Variants in SH3RF2 observed in about 807,000 individuals in gnomAD.
SH3RF2 encodes the protein SH3 domain containing ring finger 2.
Under a neutral mutation model 59.0 loss-of-function variants are expected in SH3RF2, and 43 were observed. The observed-to-expected ratio is 0.73, with a 90% CI of 0.57 to 0.94. The LOEUF (loss-of-function observed/expected upper bound fraction) is 0.94, where lower values mean the gene tolerates loss of function less well. Among genes scored for constraint, SH3RF2 ranks in the 40% least tolerant of loss-of-function variants. The pLI is 0.00. For missense variants in SH3RF2, 930 were observed against 940.1 expected, an observed-to-expected ratio of 0.99 and a Z score of 0.14; for synonymous variants, 391 against 391.5, an observed-to-expected ratio of 1.00 and a Z score of 0.01.
At chr5:146,016,694 C>A (rs530488163) in intron 5 of SH3RF2, among the ~76,000 whole-genome samples, 1 of 152,264 alleles carries the variant, frequency 6.6e-6, no homozygotes, top group South Asian at 2.1e-4. Context: ...TGCTGTCAAC[C>A]AAGACCACAC....
chr5:145,940,130 A>T (rs1157081349), intron 2 of SH3RF2, among the ~76,000 whole-genome samples: 1 of 152,178 alleles, frequency 6.6e-6, no homozygotes, highest in Non-Finnish European at 1.5e-5. Context: ...GCAGGGACTT[A>T]TAACATCAGA....
chr5:146,018,836 AG>A (rs147448380), intron 5 of SH3RF2, among the ~76,000 whole-genome samples: 3,761 of 152,226 alleles, frequency 0.025, 168 homozygotes, highest in African/African-American at 0.087. Context: ...GACTTGGATA[AG>A]GGTGGTATCT....
At chr5:145,969,392 G>A (rs1325733195) in intron 2 of SH3RF2, among the ~76,000 whole-genome samples, 1 of 152,144 alleles carries the variant, frequency 6.6e-6, no homozygotes, top group Admixed American at 6.5e-5. Context: ...AAGAAGAAAG[G>A]TGAGGAGGAA....
At chr5:145,957,623 A>G (rs1486519978) in intron 2 of SH3RF2, among the ~76,000 whole-genome samples, 1 of 152,130 alleles carries the variant, frequency 6.6e-6, no homozygotes, top group Non-Finnish European at 1.5e-5. Context: ...ACCTGCTCAA[A>G]GGCACACAGA....
chr5:146,034,349 A>AC (rs1264842813), intron 5 of SH3RF2, among the ~76,000 whole-genome samples: 2 of 152,152 alleles, frequency 1.3e-5, no homozygotes, highest in Non-Finnish European at 2.9e-5. Context: ...CTCTCCAGGC[A>AC]CCACAGGCTG....
At chr5:146,005,542 A>C (rs991639396) in intron 4 of SH3RF2, among the ~76,000 whole-genome samples, 4 of 151,984 alleles carry the variant, frequency 2.6e-5, no homozygotes. Context: ...TACCTCCTCT[A>C]CTCCATCAGT....
At chr5:146,031,421 G>A (rs899048403) in intron 5 of SH3RF2, among the ~76,000 whole-genome samples, 1 of 152,228 alleles carries the variant, frequency 6.6e-6, no homozygotes, top group Non-Finnish European at 1.5e-5. Context: ...ATAAACAGAA[G>A]AGACTGAACG....
chr5:146,050,938 A>G (rs1203967022), intron 7 of SH3RF2, among the ~76,000 whole-genome samples: 1 of 152,356 alleles, frequency 6.6e-6, no homozygotes, highest in East Asian at 1.9e-4. Flanking sequence ...AAGTACAAAC[A>G]AAAGACCTGT....
At chr5:146,054,501 G>T (rs1762601138) in intron 7 of SH3RF2, among the ~76,000 whole-genome samples, 1 of 152,200 alleles carries the variant, frequency 6.6e-6, no homozygotes, top group African/African-American at 2.4e-5. Context: ...CAATGCTGGA[G>T]ATTTCTTCCC....
Position 145,997,820 on chromosome 5 carries a change from C to T in SH3RF2, c.379-2238C>T, listed in dbSNP as rs542421644. The T allele has an allele frequency of 1.3e-3, 1,923 of 1,471,386 alleles. 1 individual carries two copies. The highest frequency in any genetic ancestry group is 1.6e-3 in the Admixed American group (97 of 59,582). The allele number at this position is 1,471,386 out of a possible 1,614,324, so 91.1% of individuals were successfully genotyped here. On this transcript the variant is annotated intron_variant, in intron 2 of 9. Transcript: ENST00000359120. The stretch of plus-strand genomic sequence containing the variant: ...AAAAAATTAAGCTAGGATCCCCCGC[C>T]GAAATAGAAGTACCTGCAAAAACAA...
intron 2 of SH3RF2, among the ~76,000 whole-genome samples, chr5:145,974,909 C>T (rs376925041): frequency 2.0e-5 from 3 of 152,244 alleles, no homozygotes; most frequent in South Asian, 4.1e-4. Flanking sequence ...TATATTGAAT[C>T]GGTTTTCCCA....
chr5:146,014,721 C>A (rs913085219), intron 5 of SH3RF2, among the ~76,000 whole-genome samples: 1 of 152,152 alleles, frequency 6.6e-6, no homozygotes, highest in Non-Finnish European at 1.5e-5. Flanking sequence ...GATGGAGTAC[C>A]TAATAAGATA....
intron 7 of SH3RF2, among the ~76,000 whole-genome samples, chr5:146,051,343 G>A (rs1442329600): frequency 6.6e-6 from 1 of 152,202 alleles, no homozygotes; most frequent in Non-Finnish European, 1.5e-5. Flanking sequence ...TCTTAGTTGT[G>A]TTTAACCAGA....
rs867213169 is a variant in SH3RF2, at chr5:146,062,491, C to T, written c.1980C>T (p.Pro660=). 6.2e-7 allele frequency: 1 copy of T among 1,614,208 alleles called. No homozygotes were observed. Among genetic ancestry groups the T allele is most frequent in the Non-Finnish European group, 8.5e-7 (1 of 1,180,032 alleles). ...PPPTKHYTSH[P]TSGKPEQPAT... ...CCACCAAACATTACACCTCCCATCCCACCTCCGGAAAGCCTGAACAGCCAG... is the reference window on the plus strand; with the variant it reads ...CCACCAAACATTACACCTCCCATCCTACCTCCGGAAAGCCTGAACAGCCAG... Residue 660 remains proline (P), a synonymous_variant, in exon 10 of 10, where the codon CCC becomes CCT. Coordinates refer to ENST00000359120, the MANE Select transcript of SH3RF2 (RefSeq NM_152550.4).
At chr5:146,060,261 G>T in intron 9 of SH3RF2, 37 bp downstream of exon 9, 2 of 1,535,930 alleles carry the variant, frequency 1.3e-6, no homozygotes, top group Admixed American at 1.9e-5. Context: ...CAACTCTTTC[G>T]ATCCCGTACT....
At chr5:146,005,676 C>G (rs1760613962) in intron 4 of SH3RF2, among the ~76,000 whole-genome samples, 1 of 152,150 alleles carries the variant, frequency 6.6e-6, no homozygotes. Flanking sequence ...AGATACACCA[C>G]CCAATTCTCT....
intron 5 of SH3RF2, among the ~76,000 whole-genome samples, chr5:146,033,374 C>T (rs1248789543): frequency 4.7e-5 from 7 of 149,030 alleles, no homozygotes; most frequent in Admixed American, 1.3e-4. Flanking sequence ...TTGGAGGAGA[C>T]CAGATATTCC....
chr5:146,055,170 T>C (rs1762624442), intron 7 of SH3RF2, among the ~76,000 whole-genome samples: 1 of 152,238 alleles, frequency 6.6e-6, no homozygotes, highest in Non-Finnish European at 1.5e-5. Context: ...AGTTCATTTG[T>C]TGCAGGCAGA....
intron 5 of SH3RF2, among the ~76,000 whole-genome samples, chr5:146,027,136 G>C (rs1561749823): frequency 6.6e-6 from 1 of 152,188 alleles, no homozygotes; most frequent in Non-Finnish European, 1.5e-5. Context: ...TTGCTTTCTT[G>C]ATAAGCAGTG....
Sources: allele counts gnomAD v4.1 joint callset (sites outside exome capture counted in the v4.1 genomes callset), GRCh38; gene constraint gnomAD v4.1.1; transcripts MANE v1.5; gene names NCBI Gene and HGNC (gene_info 2026-07-23, HGNC 2026-07-21).